Variants in CDC73 observed in about 807,000 individuals in gnomAD.
The protein encoded by CDC73 is parafibromin.
In CDC73, 21 loss-of-function variants were observed where a neutral mutation model predicts 83.7. The observed-to-expected ratio is 0.25, with a 90% CI of 0.18 to 0.36. The LOEUF (loss-of-function observed/expected upper bound fraction) is 0.36, where lower values mean the gene tolerates loss of function less well. Among genes scored for constraint, CDC73 ranks in the 10% least tolerant of loss-of-function variants. The pLI, the probability that CDC73 is intolerant of heterozygous loss-of-function variation, is 1.00. For missense variants in CDC73, 342 were observed against 653.3 expected (o/e 0.52, Z 5.19); for synonymous variants, 224 against 212.9 (o/e 1.05, Z -0.45).
intron 8 of CDC73, among the ~76,000 whole-genome samples, chr1:193,149,265 CA>C (rs1676063590): frequency 6.6e-6 from 1 of 152,014 alleles, no homozygotes; most frequent in Non-Finnish European, 1.5e-5. Context: ...TTTCATGGAC[CA>C]GGGGGAGGTT....
chr1:193,238,421 A>C (rs1420597987), intron 15 of CDC73, among the ~76,000 whole-genome samples: 1 of 152,182 alleles, frequency 6.6e-6, no homozygotes, highest in South Asian at 2.1e-4. Flanking sequence ...AGCTGTTTTC[A>C]CTGAAGTCAC....
chr1:193,122,538 AT>A (rs1276340359), intron 1 of CDC73: 4 of 568,660 alleles, frequency 7.0e-6, no homozygotes, highest in Non-Finnish European at 1.2e-5. Context: ...ATCACTTAAA[AT>A]TTTTGAGAAG....
At position 193,212,236 on chromosome 1, in the gene CDC73, C is replaced by T. The variant is rs1364747146; in HGVS notation, c.1066+136C>T. On this transcript the variant is annotated intron_variant, in intron 12 of 16. Coordinates refer to ENST00000367435, the MANE Select transcript of CDC73 (RefSeq NM_024529.5). ...TTCTGATTTATTAGTGCCCAAGCCACACTGATTATTAAATATTTTTTAATA... is the reference window on the plus strand; with the variant it reads ...TTCTGATTTATTAGTGCCCAAGCCATACTGATTATTAAATATTTTTTAATA... 8.4e-6 allele frequency: 7 copies of T among 835,552 alleles called. No individual in the cohort carries two copies. The East Asian group carries it at 1.9e-4, about 22-fold the overall frequency. 51.8% of individuals were successfully genotyped at this position (835,552 alleles called of 1,614,324 possible).
chr1:193,227,981 A>G (rs1381086205), intron 13 of CDC73, among the ~76,000 whole-genome samples: 1 of 152,184 alleles, frequency 6.6e-6, no homozygotes, highest in Non-Finnish European at 1.5e-5. Flanking sequence ...GATGCTTCTA[A>G]GCTGAGAGTG....
At chr1:193,162,412 G>T (rs893626168) in intron 10 of CDC73, among the ~76,000 whole-genome samples, 1 of 144,482 alleles carries the variant, frequency 6.9e-6, no homozygotes, top group Non-Finnish European at 1.5e-5. Flanking sequence ...TCACTCTGTC[G>T]CTCAGGCTGG....
intron 15 of CDC73, among the ~76,000 whole-genome samples, chr1:193,243,583 G>A (rs183909213): frequency 1.3e-5 from 2 of 152,252 alleles, no homozygotes; most frequent in Non-Finnish European, 2.9e-5. Context: ...AGAATGATTA[G>A]CAAATAGTTG....
At chr1:193,201,739 T>G (rs953003964) in intron 10 of CDC73, among the ~76,000 whole-genome samples, 2 of 151,314 alleles carry the variant, frequency 1.3e-5, no homozygotes, top group African/African-American at 4.9e-5. Flanking sequence ...GTGGAAAAGG[T>G]TTTTTTTTCC....
chr1:193,242,078 A>G (rs7515024), intron 15 of CDC73, among the ~76,000 whole-genome samples: 103,495 of 152,026 alleles, frequency 0.68, 35,406 homozygotes, highest in South Asian at 0.8. Flanking sequence ...TTGCACTTAG[A>G]TATCATCATT....
intron 10 of CDC73, among the ~76,000 whole-genome samples, chr1:193,176,116 G>C (rs1676598264): frequency 1.3e-5 from 2 of 152,160 alleles, no homozygotes; most frequent in East Asian, 1.9e-4. Flanking sequence ...CATTGGGCTA[G>C]TTTTCTTTGT....
intron 13 of CDC73, among the ~76,000 whole-genome samples, chr1:193,225,996 G>T (rs888281377): frequency 6.6e-6 from 1 of 152,068 alleles, no homozygotes; most frequent in Admixed American, 6.6e-5. Context: ...GTGTCTAGAA[G>T]GGTTTTTCCT....
At position 193,212,386 on chromosome 1, in the gene CDC73, A is replaced by C; in HGVS notation, c.1067-4A>C. 2 of 1,572,754 alleles carry C rather than the reference A, an allele frequency of 1.3e-6. No individual in the cohort carries two copies. Among genetic ancestry groups the C allele is most frequent in the Non-Finnish European group, 1.7e-6 (2 of 1,150,460 alleles). ...TTTTCTACCTGTAAATTTTGTCTTT[A>C]TAGGATCTCGAACACCCATTATCAT... On this transcript the variant is annotated splice_region_variant and splice_polypyrimidine_tract_variant and intron_variant, in intron 12 of 16. Coordinates refer to ENST00000367435, the MANE Select transcript of CDC73 (RefSeq NM_024529.5).
intron 13 of CDC73, among the ~76,000 whole-genome samples, chr1:193,216,463 G>A (rs1409243759): frequency 6.6e-6 from 1 of 151,890 alleles, no homozygotes; most frequent in East Asian, 1.9e-4. Context: ...CCTACCAACC[G>A]GAAGCCCCCC....
chr1:193,165,737 G>A lies in CDC73; in HGVS notation c.972+13293G>A, dbSNP rs1251047541. Among the ~76,000 whole-genome samples the A allele has an allele frequency of 2.0e-5, 3 of 152,098 alleles. No homozygotes were observed. The East Asian group carries it at 5.8e-4, about 29-fold the overall frequency. ...CACATGGATGCATGCACATGCATTC[G>A]TATCTCTCTCTCCCTCCCACATATG... On this transcript the variant is annotated intron_variant, in intron 10 of 16. Coordinates refer to ENST00000367435, the MANE Select transcript of CDC73 (RefSeq NM_024529.5).
intron 10 of CDC73, among the ~76,000 whole-genome samples, chr1:193,189,007 A>G (rs908668821): frequency 2.0e-5 from 3 of 147,166 alleles, no homozygotes; most frequent in Non-Finnish European, 3.0e-5. Context: ...AGGCTGGGGT[A>G]CAGTGGCACG....
chr1:193,126,514 C>T (rs1249269881), intron 2 of CDC73, among the ~76,000 whole-genome samples: 1 of 152,122 alleles, frequency 6.6e-6, no homozygotes, highest in Non-Finnish European at 1.5e-5. Context: ...AGCTGTATGA[C>T]ATGGAAAAGT....
chr1:193,191,372 A>G (rs989763952), intron 10 of CDC73, among the ~76,000 whole-genome samples: 6 of 152,076 alleles, frequency 3.9e-5, no homozygotes, highest in Admixed American at 3.3e-4. Context: ...TGAAATGCAT[A>G]TTTTTATCAT....
At chr1:193,190,341 A>G (rs1676897818) in intron 10 of CDC73, among the ~76,000 whole-genome samples, 1 of 152,212 alleles carries the variant, frequency 6.6e-6, no homozygotes, top group African/African-American at 2.4e-5. Flanking sequence ...CTTTTTCATT[A>G]CATAAGGGAT....
In CDC73 at chr1:193,232,974, C is replaced by T. The variant is rs1383655257; in HGVS notation, c.1155-19C>T. On this transcript the variant is annotated intron_variant, in intron 13 of 16. Coordinates refer to ENST00000367435, the MANE Select transcript of CDC73 (RefSeq NM_024529.5). ...CACGTGGAATACATTGACTTTTTCT[C>T]ATCTCTGTTTTTTCAAAGATTTGTC... 3 of 1,606,742 alleles carry T rather than the reference C, an allele frequency of 1.9e-6. No individual in the cohort carries two copies. Among genetic ancestry groups the T allele is most frequent in the African/African-American group, 2.7e-5 (2 of 74,708 alleles).
intron 10 of CDC73, among the ~76,000 whole-genome samples, chr1:193,155,641 A>T (rs997971263): frequency 1.2e-4 from 19 of 152,166 alleles, no homozygotes; most frequent in African/African-American, 4.1e-4. Flanking sequence ...CCAGGATGTG[A>T]TGACGTGTGC....
Sources: allele counts gnomAD v4.1 joint callset (sites outside exome capture counted in the v4.1 genomes callset), GRCh38; gene constraint gnomAD v4.1.1; transcripts MANE v1.5; gene names NCBI Gene and HGNC (gene_info 2026-07-23, HGNC 2026-07-21).